Variants in CDC42BPB observed in about 807,000 individuals in gnomAD.
The protein encoded by CDC42BPB is serine/threonine-protein kinase MRCK beta.
A neutral mutation model predicts 214.9 loss-of-function variants in CDC42BPB; 37 were observed. That is an observed-to-expected ratio of 0.17 (90% CI 0.13 to 0.23). The LOEUF (loss-of-function observed/expected upper bound fraction) is 0.23. Among genes scored for constraint, CDC42BPB ranks in the 10% least tolerant of loss-of-function variants. The probability of loss-of-function intolerance (pLI) is 1.00; values close to 1 mark genes in which losing one functional copy is unlikely to be tolerated. For missense variants in CDC42BPB, 1,694 were observed against 2,227.0 expected, an observed-to-expected ratio of 0.76 and a Z score of 4.82; for synonymous variants, 931 against 884.0, an observed-to-expected ratio of 1.05 and a Z score of -0.94.
chr14:102,935,764 CA>C (rs55833197), intron 36 of CDC42BPB, among the ~76,000 whole-genome samples: 14,053 of 74,462 alleles, frequency 0.19, 797 homozygotes, highest in African/African-American at 0.29. Context: ...CACTCTGTCT[CA>C]AAAAAAAAAA....
At chr14:102,973,127 C>G (rs879472312) in intron 12 of CDC42BPB, among the ~76,000 whole-genome samples, 2 of 152,198 alleles carry the variant, frequency 1.3e-5, no homozygotes, top group Non-Finnish European at 2.9e-5. Context: ...AGCAAGCTGG[C>G]AGGGCAGCTC....
In CDC42BPB at chr14:102,968,271, T is replaced by C. The variant is rs777692635; in HGVS notation, c.2328A>G (p.Leu776=). 1 of 1,613,306 alleles carries C rather than the reference T, an allele frequency of 6.2e-7. No individual in the cohort carries two copies. Among genetic ancestry groups the C allele is most frequent in the Non-Finnish European group, 8.5e-7 (1 of 1,179,362 alleles). The change falls in exon 16 of 37, where the codon CTA becomes CTG. Residue 776 remains leucine (L), a synonymous_variant. Transcript: ENST00000361246. ...RAMLFDENKK[L]TAENEKLCSF... ...TAATTACCTTTTCATTTTCAGCAGTTAGCTTCTTGTTTTCATCAAACAGCA... is the reference window on the plus strand; with the variant it reads ...TAATTACCTTTTCATTTTCAGCAGTCAGCTTCTTGTTTTCATCAAACAGCA...
intron 1 of CDC42BPB, among the ~76,000 whole-genome samples, chr14:103,016,299 G>A (rs943032965): frequency 6.6e-6 from 1 of 152,226 alleles, no homozygotes; most frequent in African/African-American, 2.4e-5. Context: ...CTGCTAGGGT[G>A]TCACTCTAGG....
At chr14:102,979,487 C>T in intron 8 of CDC42BPB, among the ~76,000 whole-genome samples, 1 of 152,172 alleles carries the variant, frequency 6.6e-6, no homozygotes, top group Non-Finnish European at 1.5e-5. Flanking sequence ...TCTGGGACTA[C>T]AGGGGTGACT....
chr14:102,994,633 T>C (rs896158588), intron 5 of CDC42BPB, among the ~76,000 whole-genome samples: 1 of 152,216 alleles, frequency 6.6e-6, no homozygotes, highest in Non-Finnish European at 1.5e-5. Context: ...GAAGCAGCTC[T>C]AGGCTCCCCC....
chr14:103,057,292 C>T lies in CDC42BPB; in HGVS notation c.-119G>A. The T allele has an allele frequency of 9.2e-7, 1 of 1,089,174 alleles. No individual in the cohort carries two copies. 67.5% of individuals were successfully genotyped at this position (1,089,174 alleles called of 1,614,324 possible). A position where few individuals can be genotyped will look rare whatever the true frequency, so the allele number is the denominator to read the frequency against. On this transcript the variant is annotated 5_prime_UTR_variant, in exon 1 of 37. Transcript: ENST00000361246. ...CCCCGGCAGCAGCGGCGCCTCCTCG[C>T]CGCCCCGTCCGCGTCGTCGCGCCCC...
intron 4 of CDC42BPB, 113 bp from the exon 5 acceptor site, chr14:102,999,826 G>A (rs1894898505): frequency 6.6e-7 from 1 of 1,504,620 alleles, no homozygotes; most frequent in Non-Finnish European, 8.9e-7. Context: ...CTGGCTCGTG[G>A]CATCTCAGCT....
chr14:102,981,656 A>AC lies in CDC42BPB; in HGVS notation c.892-636_892-635insG, dbSNP rs1894007308. ...ATTACCGGGCGTGGTGGCGGCCTGTAATCCCAGCTACCTGGGAGGCTGAGG... is the reference window on the plus strand; with the variant it reads ...ATTACCGGGCGTGGTGGCGGCCTGTACATCCCAGCTACCTGGGAGGCTGAGG... On this transcript the variant is annotated intron_variant, in intron 7 of 36. Coordinates refer to ENST00000361246, the MANE Select transcript of CDC42BPB (RefSeq NM_006035.4). 2.0e-5 allele frequency among the ~76,000 whole-genome samples: 3 copies of AC among 152,178 alleles called. No individual in the cohort carries two copies. The South Asian group carries it at 6.2e-4, about 31-fold the overall frequency.
chr14:102,986,838 C>T lies in CDC42BPB; in HGVS notation c.597-258G>A, dbSNP rs578083520. 96 of 516,856 alleles carry T rather than the reference C, an allele frequency of 1.9e-4. No homozygotes were observed. The African/African-American group carries it at 1.9e-3, about 10-fold the overall frequency. 32.0% of individuals were successfully genotyped at this position (516,856 alleles called of 1,614,324 possible). On this transcript the variant is annotated intron_variant, in intron 5 of 36. Transcript: ENST00000361246. ...CCTACTCGTCTGCCCACCCAGCTAA[C>T]GAGCCCCTCCTGAGCATCTCCTTGG...
Position 102,932,910 on chromosome 14 carries a change from G to T in CDC42BPB, c.*802C>A, listed in dbSNP as rs1481930089. ...GGCGGGCAGGGCGGGGCGGGGTGGG[G>T]TATCCCAGTGGCTGCTTCGTGGCGC... On this transcript the variant is annotated 3_prime_UTR_variant, in exon 37 of 37. Coordinates refer to ENST00000361246, the MANE Select transcript of CDC42BPB (RefSeq NM_006035.4). 7.0e-6 allele frequency: 1 copy of T among 142,550 alleles called. No homozygotes were observed. The highest frequency in any genetic ancestry group is 6.9e-5 in the Admixed American group (1 of 14,580). The allele number at this position is 142,550 out of a possible 1,614,324, so 8.8% of individuals were successfully genotyped here. A position where few individuals can be genotyped will look rare whatever the true frequency, so the allele number is the denominator to read the frequency against.
At chr14:102,989,009 T>C (rs772723934) in intron 5 of CDC42BPB, among the ~76,000 whole-genome samples, 4 of 151,284 alleles carry the variant, frequency 2.6e-5, no homozygotes, top group Non-Finnish European at 4.4e-5. Flanking sequence ...AAAAAACAAA[T>C]GGCAAATTGG....
intron 1 of CDC42BPB, among the ~76,000 whole-genome samples, chr14:103,032,200 C>T (rs367767035): frequency 3.5e-4 from 54 of 152,176 alleles, no homozygotes; most frequent in African/African-American, 1.2e-3. Context: ...TCCAACCTCT[C>T]ATGCCCACCC....
intron 1 of CDC42BPB, among the ~76,000 whole-genome samples, chr14:103,055,564 T>C (rs1368442602): frequency 6.6e-6 from 1 of 152,264 alleles, no homozygotes; most frequent in Non-Finnish European, 1.5e-5. Context: ...GCAAATACTC[T>C]TAATTTACTG....
At chr14:102,985,771 T>C (rs1053908415) in intron 6 of CDC42BPB, among the ~76,000 whole-genome samples, 6 of 152,218 alleles carry the variant, frequency 3.9e-5, no homozygotes, top group Non-Finnish European at 7.3e-5. Context: ...ACTCCAAACA[T>C]GTAAGAACAA....
intron 1 of CDC42BPB, among the ~76,000 whole-genome samples, chr14:103,050,006 C>T (rs1888516239): frequency 6.6e-6 from 1 of 152,254 alleles, no homozygotes; most frequent in African/African-American, 2.4e-5. Flanking sequence ...CCAACACACC[C>T]GGCCATAACC....
intron 19 of CDC42BPB, among the ~76,000 whole-genome samples, chr14:102,963,836 AGCCCC>A (rs1402415326): frequency 3.3e-5 from 5 of 152,244 alleles, no homozygotes; most frequent in Non-Finnish European, 7.3e-5. Context: ...TTAATTTTTT[AGCCCC>A]AAACTAACAG....
chr14:103,003,249 T>G (rs796738020), intron 4 of CDC42BPB, among the ~76,000 whole-genome samples: 5 of 152,204 alleles, frequency 3.3e-5, no homozygotes, highest in African/African-American at 1.2e-4. Context: ...CTAGAGTCAC[T>G]CTAGGAATAA....
chr14:103,054,307 T>C (rs1401270438), intron 1 of CDC42BPB, among the ~76,000 whole-genome samples: 1 of 152,240 alleles, frequency 6.6e-6, no homozygotes, highest in Non-Finnish European at 1.5e-5. Context: ...TGTCATTAGA[T>C]ACCTGGCAAG....
rs80130415 is a variant in CDC42BPB, at chr14:102,938,168, G to A, written c.4940C>T (p.Ser1647Leu). 35 of 1,613,396 alleles carry A rather than the reference G, an allele frequency of 2.2e-5. No individual in the cohort carries two copies. Among genetic ancestry groups the A allele is most frequent in the African/African-American group, 2.7e-5 (2 of 74,928 alleles). The change falls in exon 36 of 37, where the codon TCG (serine) becomes TTG (leucine). Residue 1647 changes from serine (S) to leucine (L), a missense_variant. By Grantham distance (145) the Ser-to-Leu change is moderately radical (BLOSUM62 -2). Around this residue, in one of 7 missense-constraint regions of CDC42BPB, gnomAD observed 146 missense variants for 134.1 expected, o/e 1.09. Coordinates refer to ENST00000361246, the MANE Select transcript of CDC42BPB (RefSeq NM_006035.4). ...PYISWPSSGGSEPSVTVPLRS... is the reference protein window; with the variant it reads ...PYISWPSSGGLEPSVTVPLRS... ...CAGAGGCACAGTCACGCTAGGCTCC[G>A]ATCCACCTACAGAACAAGGACAGCT...
Sources: allele counts gnomAD v4.1 joint callset (sites outside exome capture counted in the v4.1 genomes callset), GRCh38; gene constraint gnomAD v4.1.1; regional missense constraint gnomAD v4.1.1; transcripts MANE v1.5; gene names NCBI Gene and HGNC (gene_info 2026-07-23, HGNC 2026-07-21).